Variants in EYA1 observed in about 807,000 individuals in gnomAD.
The protein encoded by EYA1 is protein phosphatase EYA1.
EYA1 carries 16 observed loss-of-function variants against 82.0 expected under a neutral mutation model. The ratio of observed to expected loss-of-function variants is 0.20; its 90% CI spans 0.13 to 0.30. The LOEUF is 0.30. Among genes scored for constraint, EYA1 ranks in the 10% least tolerant of loss-of-function variants. The probability of loss-of-function intolerance (pLI) is 1.00; values close to 1 mark genes in which losing one functional copy is unlikely to be tolerated. For synonymous variants in EYA1, 261 were observed against 264.4 expected (o/e 0.99, Z 0.12); for missense variants, 633 against 730.7 (o/e 0.87, Z 1.54).
rs764898791 is a variant in EYA1, at chr8:71,318,750, G to T, written c.419-1061C>A. ...AGTCTTACTGTTTATTTCCATTTTAGGGGAATCTCATCAGCAGAGTACAGC... is the reference window on the plus strand; with the variant it reads ...AGTCTTACTGTTTATTTCCATTTTATGGGAATCTCATCAGCAGAGTACAGC... On this transcript the variant is annotated intron_variant, in intron 6 of 17. Transcript: ENST00000340726. Among the ~76,000 whole-genome samples, 75 of 152,246 alleles carry T rather than the reference G, an allele frequency of 4.9e-4. No homozygotes were observed. In the Middle Eastern group the frequency reaches 0.014, roughly 28 times the overall value.
chr8:71,489,259 T>C (rs1026629924), intron 2 of EYA1, among the ~76,000 whole-genome samples: 18 of 152,200 alleles, frequency 1.2e-4, no homozygotes, highest in Non-Finnish European at 2.2e-4. Flanking sequence ...CTGGAACATT[T>C]ATCTTTGTTA....
At chr8:71,247,993 CTTAT>C (rs1813309480) in intron 11 of EYA1, among the ~76,000 whole-genome samples, 1 of 152,224 alleles carries the variant, frequency 6.6e-6, no homozygotes, top group African/African-American at 2.4e-5. Flanking sequence ...GATACGGTTG[CTTAT>C]TTATATGACC....
At chr8:71,271,948 C>T in intron 9 of EYA1, 51 bp from the exon 10 acceptor site, 1 of 1,600,142 alleles carries the variant, frequency 6.2e-7, no homozygotes, top group Non-Finnish European at 8.6e-7. Flanking sequence ...CACCATGGTG[C>T]CAAGATTAGC....
intron 7 of EYA1, among the ~76,000 whole-genome samples, chr8:71,306,168 G>A (rs1248736740): frequency 6.6e-6 from 1 of 152,158 alleles, no homozygotes; most frequent in Non-Finnish European, 1.5e-5. Context: ...GTTAGACTGG[G>A]AAGGAAAGCA....
At chr8:71,278,447 A>G (rs376619247) in intron 9 of EYA1, among the ~76,000 whole-genome samples, 1 of 152,350 alleles carries the variant, frequency 6.6e-6, no homozygotes, top group African/African-American at 2.4e-5. Context: ...CCATATATAC[A>G]TTGGCTGTCA....
chr8:71,353,292 C>T (rs1161135984), intron 3 of EYA1, among the ~76,000 whole-genome samples: 1 of 152,172 alleles, frequency 6.6e-6, no homozygotes, highest in African/African-American at 2.4e-5. Context: ...CATGCTTTAC[C>T]TGAAGTCAAA....
At chr8:71,306,354 C>T (rs921084421) in intron 7 of EYA1, among the ~76,000 whole-genome samples, 1 of 152,042 alleles carries the variant, frequency 6.6e-6, no homozygotes, top group African/African-American at 2.4e-5. Context: ...AAAGAAATGG[C>T]ATCCTTTAAT....
At chr8:71,201,445 T>A (rs1050655857) in intron 17 of EYA1, among the ~76,000 whole-genome samples, 8 of 152,078 alleles carry the variant, frequency 5.3e-5, no homozygotes, top group African/African-American at 1.9e-4. Context: ...TCTCTCTCTC[T>A]GCCCCCGTGC....
At chr8:71,336,448 T>C (rs936452345) in intron 3 of EYA1, among the ~76,000 whole-genome samples, 6 of 152,352 alleles carry the variant, frequency 3.9e-5, no homozygotes, top group Admixed American at 1.3e-4. Context: ...TCCAAGTCTT[T>C]GTCAAATCTA....
At chr8:71,258,761 C>T (rs1814747912) in intron 11 of EYA1, among the ~76,000 whole-genome samples, 1 of 152,206 alleles carries the variant, frequency 6.6e-6, no homozygotes, top group Non-Finnish European at 1.5e-5. Context: ...AGTGTTTGTA[C>T]ATGATATTTG....
rs1199747015 is a variant in EYA1 at position 71,440,009 on chromosome 8, TA to T, written c.34-83499del. Among the ~76,000 whole-genome samples the T allele has an allele frequency of 1.6e-4, 24 of 152,312 alleles. 1 individual carries two copies. The highest frequency in any genetic ancestry group is 5.8e-4 in the African/African-American group (24 of 41,570). The stretch of plus-strand genomic sequence containing the variant: ...ATAATAATTATTTTTAAAGACTAGA[TA>T]AGCCAAAGCAAAGATGGCTTCTAGA... On this transcript the variant is annotated intron_variant, in intron 2 of 18. Transcript: ENST00000643681.
chr8:71,271,806 C>G lies in EYA1; in HGVS notation c.918G>C (p.Arg306=). The part of the protein sequence containing the change: ...RRGSDGKSRG[R]GRRNNNPSPP... ...GTGAAGGATTATTGTTTCTTCGGCC[C>G]CGTCCACGTGATTTCCCATCTGAAC... is the stretch of plus-strand genomic sequence containing the variant. The change falls in exon 10 of 18, where the codon CGG becomes CGC. Residue 306 remains arginine (R), a synonymous_variant. Coordinates refer to ENST00000340726, the MANE Select transcript of EYA1 (RefSeq NM_000503.6). The G allele has an allele frequency of 6.2e-7, 1 of 1,614,158 alleles. No homozygotes were observed. Among genetic ancestry groups the G allele is most frequent in the Non-Finnish European group, 8.5e-7 (1 of 1,180,028 alleles).
chr8:71,496,708 C>A (rs529902886), intron 2 of EYA1, among the ~76,000 whole-genome samples: 1 of 152,244 alleles, frequency 6.6e-6, no homozygotes, highest in African/African-American at 2.4e-5. Context: ...GTTACAGCAA[C>A]TTCAAAGTGG....
intron 2 of EYA1, among the ~76,000 whole-genome samples, chr8:71,405,300 T>C (rs2129132117): frequency 6.6e-6 from 1 of 152,284 alleles, no homozygotes; most frequent in East Asian, 1.9e-4. Context: ...CAATGATTGC[T>C]CAAGACCCTT....
chr8:71,310,115 A>G (rs889815940), intron 7 of EYA1, among the ~76,000 whole-genome samples: 2 of 152,186 alleles, frequency 1.3e-5, no homozygotes, highest in African/African-American at 4.8e-5. Context: ...TTCTGGGACG[A>G]TAAAACACTC....
chr8:71,342,682 G>C (rs2129054775), intron 3 of EYA1, among the ~76,000 whole-genome samples: 2 of 152,292 alleles, frequency 1.3e-5, no homozygotes, highest in East Asian at 1.9e-4. Flanking sequence ...ATATGTGAAA[G>C]AGTTAAATAT....
chr8:71,203,134 C>T (rs547797349), intron 17 of EYA1, among the ~76,000 whole-genome samples: 1 of 152,254 alleles, frequency 6.6e-6, no homozygotes, highest in African/African-American at 2.4e-5. Flanking sequence ...ATATTCTCAA[C>T]TTTGACATTA....
intron 2 of EYA1, among the ~76,000 whole-genome samples, chr8:71,510,119 A>G (rs149978710): frequency 1.2e-3 from 183 of 152,186 alleles, no homozygotes; most frequent in African/African-American, 4.2e-3. Context: ...TGGCCAATGA[A>G]ATTTTAGCAA....
intron 2 of EYA1, among the ~76,000 whole-genome samples, chr8:71,378,145 A>AC (rs1179196874): frequency 6.6e-6 from 1 of 152,136 alleles, no homozygotes; most frequent in African/African-American, 2.4e-5. Context: ...TAAAATTTGA[A>AC]CTATACCCTG....
Sources: allele counts gnomAD v4.1 joint callset (sites outside exome capture counted in the v4.1 genomes callset), GRCh38; gene constraint gnomAD v4.1.1; transcripts MANE v1.5; gene names NCBI Gene and HGNC (gene_info 2026-07-23, HGNC 2026-07-21).